Variants in MCU observed in about 807,000 individuals in gnomAD.
MCU encodes calcium uniporter protein, mitochondrial.
A neutral mutation model predicts 45.2 loss-of-function variants in MCU; 12 were observed. That is an observed-to-expected ratio of 0.27 (90% CI 0.17 to 0.43). The LOEUF is 0.43. MCU is among the 20% of genes least tolerant of loss of function. The pLI, the probability that MCU is intolerant of heterozygous loss-of-function variation, is 1.00. For missense variants in MCU, 324 were observed against 436.7 expected (o/e 0.74, Z 2.30); for synonymous variants, 160 against 165.1 (o/e 0.97, Z 0.24).
chr10:72,851,531 G>A (rs1845206472), intron 2 of MCU, among the ~76,000 whole-genome samples: 1 of 152,104 alleles, frequency 6.6e-6, no homozygotes, highest in Admixed American at 6.5e-5. Context: ...AAGGGAATGA[G>A]TGCTGCTGAT....
intron 2 of MCU, among the ~76,000 whole-genome samples, chr10:72,843,653 T>C (rs548228441): frequency 6.6e-5 from 10 of 152,296 alleles, no homozygotes; most frequent in Admixed American, 6.5e-5. Context: ...TTTAGCTCCT[T>C]TGGATAAATA....
chr10:72,859,076 A>T (rs755269586), intron 2 of MCU, 101 bp from the exon 3 acceptor site: 14 of 1,148,978 alleles, frequency 1.2e-5, no homozygotes, highest in Non-Finnish European at 1.6e-5. Context: ...AAACATTTTA[A>T]ATCACACTAA....
intron 6 of MCU, among the ~76,000 whole-genome samples, chr10:72,882,445 G>A (rs1845717875): frequency 6.6e-6 from 1 of 152,170 alleles, no homozygotes; most frequent in African/African-American, 2.4e-5. Context: ...TTCTCAGCAA[G>A]GAACATCCCT....
chr10:72,810,634 G>GGTTGTT (rs71021536), intron 1 of MCU, among the ~76,000 whole-genome samples: 59,612 of 146,732 alleles, frequency 0.41, 15,334 homozygotes, highest in Non-Finnish European at 0.6. Context: ...CGCCCAGCTA[G>GGTTGTT]GTTGTTGTTG....
At chr10:72,832,869 G>C (rs1844898441) in intron 1 of MCU, among the ~76,000 whole-genome samples, 1 of 150,634 alleles carries the variant, frequency 6.6e-6, no homozygotes. Flanking sequence ...ATGAACTCAG[G>C]CAAGATTATT....
chr10:72,759,364 A>G (rs1032253683), intron 1 of MCU, among the ~76,000 whole-genome samples: 64 of 152,200 alleles, frequency 4.2e-4, no homozygotes, highest in Admixed American at 1.6e-3. Context: ...TTTCTATACA[A>G]TGTCTGTAAT....
intron 3 of MCU, 80 bp downstream of exon 3, chr10:72,859,427 C>G (rs1031186438): frequency 7.6e-7 from 1 of 1,315,444 alleles, no homozygotes; most frequent in African/African-American, 1.5e-5. Context: ...ATACACCACA[C>G]ACGTAGCTAC....
intron 1 of MCU, among the ~76,000 whole-genome samples, chr10:72,772,442 A>G (rs1296880010): frequency 6.6e-6 from 1 of 152,198 alleles, no homozygotes; most frequent in Non-Finnish European, 1.5e-5. Context: ...CACGCCTGCA[A>G]TCCCAGCACT....
chr10:72,743,309 A>C (rs992558340), intron 1 of MCU, among the ~76,000 whole-genome samples: 25 of 143,912 alleles, frequency 1.7e-4, no homozygotes, highest in African/African-American at 6.4e-4. Flanking sequence ...GCTACTCGGG[A>C]GGCTGAGGCA....
At position 72,750,807 on chromosome 10, in the gene MCU, CT is replaced by C. The variant is rs140292707; in HGVS notation, c.150+58507del. Among the ~76,000 whole-genome samples the C allele has an allele frequency of 2.8e-3, 422 of 152,292 alleles. 5 individuals are homozygous for C. Among genetic ancestry groups the C allele is most frequent in the African/African-American group, 9.6e-3 (401 of 41,562 alleles). On this transcript the variant is annotated intron_variant, in intron 1 of 7. Coordinates refer to ENST00000373053, the MANE Select transcript of MCU (RefSeq NM_138357.3). ...GTTCTTCCTCTCATCCCTAACCCCC[CT>C]GACAACCTTTCATTTGTTCTGTTTC...
At chr10:72,833,314 C>G (rs139855818) in intron 1 of MCU, among the ~76,000 whole-genome samples, 2 of 152,220 alleles carry the variant, frequency 1.3e-5, no homozygotes, top group African/African-American at 4.8e-5. Flanking sequence ...AGATTTAAAA[C>G]GAAACTAGCT....
intron 1 of MCU, among the ~76,000 whole-genome samples, chr10:72,758,378 G>A (rs1240567709): frequency 1.3e-5 from 2 of 152,062 alleles, no homozygotes; most frequent in East Asian, 3.9e-4. Context: ...GAATATTTTG[G>A]GGTGACATAT....
chr10:72,834,498 T>C, intron 2 of MCU, 70 bp downstream of exon 2: 3 of 1,343,934 alleles, frequency 2.2e-6, no homozygotes, highest in South Asian at 1.3e-5. Flanking sequence ...TCCTATTCTC[T>C]GACACAAAAA....
At chr10:72,827,851 G>A (rs78760156) in intron 1 of MCU, among the ~76,000 whole-genome samples, 1 of 152,176 alleles carries the variant, frequency 6.6e-6, no homozygotes, top group African/African-American at 2.4e-5. Context: ...GTGGAAGTGG[G>A]CCCAAGTCTT....
At chr10:72,796,196 T>A (rs1183123341) in intron 1 of MCU, among the ~76,000 whole-genome samples, 1 of 152,048 alleles carries the variant, frequency 6.6e-6, no homozygotes, top group Non-Finnish European at 1.5e-5. Context: ...CACAGCACTT[T>A]GGGAGGCCAG....
chr10:72,772,679 G>A (rs1843829375), intron 1 of MCU, among the ~76,000 whole-genome samples: 1 of 152,180 alleles, frequency 6.6e-6, no homozygotes, highest in African/African-American at 2.4e-5. Flanking sequence ...CCTGGTGGGT[G>A]ACAGAGTGAG....
At chr10:72,800,563 A>G (rs1234620670) in intron 1 of MCU, among the ~76,000 whole-genome samples, 1 of 152,190 alleles carries the variant, frequency 6.6e-6, no homozygotes. Context: ...TGACTTAATG[A>G]GTCCATATAT....
chr10:72,712,964 A>T (rs569050962), intron 1 of MCU, among the ~76,000 whole-genome samples: 36 of 152,210 alleles, frequency 2.4e-4, no homozygotes, highest in Non-Finnish European at 4.4e-4. Context: ...ACACTAATAA[A>T]TTGGATGGTT....
At chr10:72,752,069 G>A (rs1843508732) in intron 1 of MCU, among the ~76,000 whole-genome samples, 1 of 151,478 alleles carries the variant, frequency 6.6e-6, no homozygotes, top group Non-Finnish European at 1.5e-5. Context: ...TCGATCTCCT[G>A]ACTTCGTGAT....
Sources: allele counts gnomAD v4.1 joint callset (sites outside exome capture counted in the v4.1 genomes callset), GRCh38; gene constraint gnomAD v4.1.1; transcripts MANE v1.5; gene names NCBI Gene and HGNC (gene_info 2026-07-23, HGNC 2026-07-21).